Variants in POU2F2 observed in about 807,000 individuals in gnomAD.
The protein encoded by POU2F2 is POU class 2 homeobox 2, also known as POU domain, class 2, transcription factor 2.
POU2F2 carries 14 observed loss-of-function variants against 63.5 expected under a neutral mutation model. The ratio of observed to expected loss-of-function variants is 0.22; its 90% CI spans 0.15 to 0.34. POU2F2 has a LOEUF of 0.34. POU2F2 is among the 10% of genes least tolerant of loss of function. The pLI is 1.00. For missense variants in POU2F2, 607 were observed against 815.2 expected (o/e 0.74, Z 3.11); for synonymous variants, 306 against 348.6 (o/e 0.88, Z 1.36).
upstream of POU2F2, chr19:42,136,794 T>G (rs1245198081): frequency 1.2e-4 from 19 of 152,344 alleles, no homozygotes; most frequent in Admixed American, 1.2e-3. Context: ...GGAATACCTC[T>G]GCAGCTCACA....
rs999083321 is a variant in POU2F2 at position 42,087,423 on chromosome 19, T to A, written c.*3834A>T. On this transcript the variant is annotated 3_prime_UTR_variant, in exon 15 of 15. Transcript: ENST00000692977. ...ATCTCCCCAGGGCTTGGAGAGCCCG[T>A]CATGGCCTTCTCCAGGGAGATGGAT... The A allele has an allele frequency of 6.6e-6, 1 of 152,010 alleles. No homozygotes were observed. The highest frequency in any genetic ancestry group is 2.4e-5 in the African/African-American group (1 of 41,350). The allele number at this position is 152,010 out of a possible 1,614,324, so 9.4% of individuals were successfully genotyped here.
intron 1 of POU2F2, among the ~76,000 whole-genome samples, chr19:42,172,384 C>T (rs949912812): frequency 6.6e-6 from 1 of 152,136 alleles, no homozygotes; most frequent in Non-Finnish European, 1.5e-5. Flanking sequence ...CACCATTGCC[C>T]GATTACCTCA....
At chr19:42,166,733 C>T (rs755528580) in intron 1 of POU2F2, among the ~76,000 whole-genome samples, 76 of 151,922 alleles carry the variant, frequency 5.0e-4, no homozygotes, top group Non-Finnish European at 1.0e-3. Flanking sequence ...AGCATACAGG[C>T]CCAGGATGAT....
In POU2F2 at chr19:42,152,358, C is replaced by G. The variant is rs2034369825; in HGVS notation, c.-9+7974G>C. 6.6e-6 allele frequency among the ~76,000 whole-genome samples: 1 copy of G among 152,036 alleles called. No homozygotes were observed. Among genetic ancestry groups the G allele is most frequent in the Non-Finnish European group, 1.5e-5 (1 of 67,976 alleles). On this transcript the variant is annotated intron_variant, in intron 2 of 6. Coordinates refer to the POU2F2 transcript ENST00000524801. This position sits in a 1 kb window ranked among gnomAD's most constrained non-coding sequence, Gnocchi z 4.1. ...GGTGGGATGGGCTCACACATGCCCC[C>G]ACAGCCTGCCAAGAAGGCCCCAGAT... is the stretch of plus-strand genomic sequence containing the variant.
At chr19:42,133,040 G>A (rs1212834746), upstream of POU2F2, 1 of 152,330 alleles carries the variant, frequency 6.6e-6, no homozygotes, top group Non-Finnish European at 1.5e-5. This position sits in a 1 kb window ranked among gnomAD's most constrained non-coding sequence, Gnocchi z 5.1. Flanking sequence ...TGAGCTGTTG[G>A]GTGCCACCAT....
At chr19:42,138,832 A>C (rs761693182) in intron 2 of POU2F2, among the ~76,000 whole-genome samples, 1 of 152,170 alleles carries the variant, frequency 6.6e-6, no homozygotes, top group African/African-American at 2.4e-5. Context: ...CCAGGGGGAA[A>C]GTCAGGAAGC....
intron 7 of POU2F2, among the ~76,000 whole-genome samples, chr19:42,098,399 C>T (rs1233075547): frequency 7.3e-6 from 1 of 137,448 alleles, no homozygotes; most frequent in Non-Finnish European, 1.5e-5. Context: ...GGCAACAGAG[C>T]GAGACTCCAT....
At chr19:42,123,363 AG>A (rs1430034574) in intron 1 of POU2F2, 1 of 152,248 alleles carries the variant, frequency 6.6e-6, no homozygotes, top group South Asian at 2.1e-4. Context: ...AAATGAAAGG[AG>A]GTGGCCAAGG....
chr19:42,095,450 T>A lies in POU2F2; in HGVS notation c.1033A>T (p.Thr345Ser). ...EKSFLANQKP[T>S]SEEILLIAEQ... ...GCGATCAGCAGGATCTCCTCTGAGG[T>A]AGGCTTCTGGTTCTGCAGGCAGAGG... The change falls in exon 11 of 15, where the codon ACC (threonine) becomes TCC (serine). Residue 345 changes from threonine to serine, a missense_variant. Transcript: ENST00000692977. The surrounding 1 kb of genome is among the most constrained non-coding windows in gnomAD (Gnocchi z 7.1). 6.2e-7 allele frequency: 1 copy of A among 1,612,932 alleles called. No individual in the cohort carries two copies. Among genetic ancestry groups the A allele is most frequent in the South Asian group, 1.1e-5 (1 of 91,084 alleles).
Position 42,096,944 on chromosome 19 carries a change from A to G in POU2F2, c.568-701T>C, listed in dbSNP as rs918900791. The stretch of plus-strand genomic sequence containing the variant: ...CCACTCAGTTTTGCTGTGAATCTAA[A>G]ACAGCTCTTAAGAAATTAAGTCCTA... On this transcript the variant is annotated intron_variant, in intron 7 of 14. Transcript: ENST00000692977. The surrounding 1 kb of genome is among the most constrained non-coding windows in gnomAD (Gnocchi z 4.1). Among the ~76,000 whole-genome samples the G allele has an allele frequency of 6.6e-6, 1 of 152,198 alleles. No homozygotes were observed. Among genetic ancestry groups the G allele is most frequent in the African/African-American group, 2.4e-5 (1 of 41,442 alleles).
intron 5 of POU2F2, among the ~76,000 whole-genome samples, chr19:42,101,952 G>A (rs371164036): frequency 1.8e-3 from 266 of 151,506 alleles, no homozygotes; most frequent in Non-Finnish European, 2.8e-3. Flanking sequence ...ACTCCAGCTC[G>A]GGCAACAGTA....
At chr19:42,178,873 A>G (rs1353638054), upstream of POU2F2, among the ~76,000 whole-genome samples, 2 of 152,176 alleles carry the variant, frequency 1.3e-5, no homozygotes, top group African/African-American at 2.4e-5. Flanking sequence ...AGACCCAGAG[A>G]GTCAAAGTGA....
At chr19:42,194,218 A>C (rs1176085348) in intron 1 of POU2F2, among the ~76,000 whole-genome samples, 1 of 151,400 alleles carries the variant, frequency 6.6e-6, no homozygotes. Context: ...CCCCGTCTCT[A>C]CAAAAAAAAT....
chr19:42,181,571 CATTTATTT>C (rs143264132), intron 1 of POU2F2, among the ~76,000 whole-genome samples: 74 of 148,496 alleles, frequency 5.0e-4, no homozygotes, highest in African/African-American at 1.5e-3. Flanking sequence ...TCTGAACATA[CATTTATTT>C]ATTTATTTAT....
At chr19:42,098,655 C>T (rs76662040) in intron 7 of POU2F2, among the ~76,000 whole-genome samples, 1 of 152,130 alleles carries the variant, frequency 6.6e-6, no homozygotes, top group Non-Finnish European at 1.5e-5. Context: ...GGAAGAACAA[C>T]TTGACTTTCT....
At chr19:42,116,597 T>A in intron 5 of POU2F2, 1 of 189,246 alleles carries the variant, frequency 5.3e-6, no homozygotes, top group Non-Finnish European at 1.1e-5. Context: ...CTGCCTGGCA[T>A]GTGGCTGGTG....
chr19:42,100,644 C>G (rs538233615), intron 5 of POU2F2, among the ~76,000 whole-genome samples: 49 of 151,372 alleles, frequency 3.2e-4, no homozygotes, highest in African/African-American at 1.0e-3. Context: ...CCAGCTACTC[C>G]GGAGGCTGAT....
intron 1 of POU2F2, among the ~76,000 whole-genome samples, chr19:42,170,228 T>C (rs1181332377): frequency 1.3e-5 from 2 of 151,320 alleles, no homozygotes; most frequent in African/African-American, 4.9e-5. Context: ...ACATCCATGC[T>C]CCGAGGGAGA....
At chr19:42,161,021 G>C (rs2034542523) in intron 1 of POU2F2, among the ~76,000 whole-genome samples, 1 of 152,214 alleles carries the variant, frequency 6.6e-6, no homozygotes, top group African/African-American at 2.4e-5. Flanking sequence ...AGGGGACAGA[G>C]ATGAATTAGA....
Sources: gnomAD v4.1 joint callset for allele counts (sites outside exome capture counted in the v4.1 genomes callset) on GRCh38, gnomAD v4.1.1 for gene constraint, Gnocchi (gnomAD v3.1) non-coding constraint, MANE v1.5 for transcripts, NCBI Gene and HGNC (gene_info 2026-07-23, HGNC 2026-07-21) for gene names.